Variants in ANKRD24 observed in about 807,000 individuals in gnomAD.
ANKRD24 encodes ankyrin repeat domain 24.
ANKRD24 carries 109 observed loss-of-function variants against 127.8 expected under a neutral mutation model. The observed-to-expected ratio is 0.85, with a 90% CI of 0.73 to 1.00. The LOEUF (loss-of-function observed/expected upper bound fraction) is 1.00. Among genes scored for constraint, ANKRD24 ranks in the 50% least tolerant of loss-of-function variants. The pLI is 0.00. For missense variants in ANKRD24, 1,648 were observed against 1,570.2 expected, an observed-to-expected ratio of 1.05 and a Z score of -0.84; for synonymous variants, 743 against 671.1, an observed-to-expected ratio of 1.11 and a Z score of -1.66.
At chr19:4,222,567 C>T in intron 19 of ANKRD24, 103 bp from the exon 20 acceptor site, 1 of 1,351,556 alleles carries the variant, frequency 7.4e-7, no homozygotes, top group Non-Finnish European at 9.7e-7. Flanking sequence ...ACGGGACCTT[C>T]CCTTGAAAGC....
Position 4,216,064 on chromosome 19 carries a change from T to TC in ANKRD24, c.1270+18dup. The TC allele has an allele frequency of 3.2e-6, 5 of 1,583,374 alleles. No homozygotes were observed. Among genetic ancestry groups the TC allele is most frequent in the Non-Finnish European group, 4.3e-6 (5 of 1,165,776 alleles). On this transcript the variant is annotated intron_variant, in intron 16 of 21. Coordinates refer to ENST00000318934, the MANE Select transcript of ANKRD24 (RefSeq NM_001393985.1). ...CTGACCTTCCAGGTGAGCCCCCACC[T>TC]CCCCACGCACTCCCAGCCGCCTTGT...
At position 4,200,068 on chromosome 19, in the gene ANKRD24, GTC is replaced by G. The variant is rs1244435164; in HGVS notation, c.255-10_255-9del. On this transcript the variant is annotated splice_polypyrimidine_tract_variant and intron_variant, in intron 4 of 21. Coordinates refer to ENST00000318934, the MANE Select transcript of ANKRD24 (RefSeq NM_001393985.1). ...GTGGCAACCTTGCGGCTGAACCCTT[GTC>G]TCTCACCTCCAGGTTCCACCTGGCG... The G allele has an allele frequency of 6.3e-7, 1 of 1,576,182 alleles. No individual in the cohort carries two copies. Among genetic ancestry groups the G allele is most frequent in the South Asian group, 1.2e-5 (1 of 86,190 alleles).
intron 2 of ANKRD24, among the ~76,000 whole-genome samples, chr19:4,193,726 A>G (rs1968516486): frequency 6.6e-6 from 1 of 151,416 alleles, no homozygotes; most frequent in South Asian, 2.1e-4. Flanking sequence ...AATCCCAGAT[A>G]CTCGGGAGAC....
chr19:4,198,735 T>G lies in ANKRD24; in HGVS notation c.37-948T>G, dbSNP rs750081. Among the ~76,000 whole-genome samples the G allele has an allele frequency of 0.017, 2,583 of 152,238 alleles. 68 individuals are homozygous for G. The highest frequency in any genetic ancestry group is 0.058 in the African/African-American group (2,429 of 41,554). ...ATTTGGGGAGACATGTGGACACGTTTTGGAAGACTCTTTGAAACAAATGGG... is the reference window on the plus strand; with the variant it reads ...ATTTGGGGAGACATGTGGACACGTTGTGGAAGACTCTTTGAAACAAATGGG... On this transcript the variant is annotated intron_variant, in intron 2 of 21. Transcript: ENST00000318934. The surrounding 1 kb of genome is among the most constrained non-coding windows in gnomAD (Gnocchi z 6.1).
At position 4,187,088 on chromosome 19, in the gene ANKRD24, A is replaced by C. The variant is rs540354091; in HGVS notation, c.36+627A>C. ...AGAGGGTGGCCAGGGAAGGCTTCCC[A>C]GAGGAGGTGGTATTAAAGCAAAGAT... On this transcript the variant is annotated intron_variant, in intron 2 of 21. Transcript: ENST00000318934. 2.0e-5 allele frequency among the ~76,000 whole-genome samples: 3 copies of C among 152,286 alleles called. No individual in the cohort carries two copies. In the South Asian group the frequency reaches 6.2e-4, roughly 32 times the overall value.
intron 20 of ANKRD24, 39 bp from the exon 21 acceptor site, chr19:4,224,088 G>A (rs1262918695): frequency 2.5e-6 from 4 of 1,587,534 alleles, no homozygotes; most frequent in Admixed American, 1.7e-5. Flanking sequence ...GTGGGGAGGT[G>A]CTCCTGCTCT....
intron 2 of ANKRD24, among the ~76,000 whole-genome samples, chr19:4,189,384 G>A (rs1325566475): frequency 6.6e-6 from 1 of 150,608 alleles, no homozygotes; most frequent in African/African-American, 2.4e-5. Context: ...CCAAGTAGGT[G>A]GGACTACAGG....
rs775714953 is a variant in ANKRD24 at position 4,216,005 on chromosome 19, G to A, written c.1225G>A (p.Val409Ile). ...ENERENTSYD[V>I]TTLQDEEGEL... ...CGAGCGGGAGAATACTAGCTATGAC[G>A]TAACCACCCTGCAGGATGAGGAGGG... The change falls in exon 16 of 22, where the codon GTA (valine) becomes ATA (isoleucine). Residue 409 changes from valine to isoleucine, a missense_variant. Val to Ile is a conservative substitution (Grantham distance 29). Transcript: ENST00000318934. 1.0e-5 allele frequency: 16 copies of A among 1,600,738 alleles called. No individual in the cohort carries two copies. Among genetic ancestry groups the A allele is most frequent in the East Asian group, 9.1e-5 (4 of 44,108 alleles).
chr19:4,193,730 G>A (rs1031072159), intron 2 of ANKRD24, among the ~76,000 whole-genome samples: 2 of 151,290 alleles, frequency 1.3e-5, no homozygotes, highest in Admixed American at 6.6e-5. Flanking sequence ...CCAGATACTC[G>A]GGAGACTGAG....
In ANKRD24 at chr19:4,184,151, C is replaced by G. The variant is rs539934033; in HGVS notation, c.-37+1411C>G. Among the ~76,000 whole-genome samples the G allele has an allele frequency of 2.0e-5, 3 of 152,330 alleles. No homozygotes were observed. In the South Asian group the frequency reaches 6.2e-4, roughly 32 times the overall value. The stretch of plus-strand genomic sequence containing the variant: ...TCCGCTGCCAGCCTGTCTCCTCCCT[C>G]GGCTCATCCCCGGCCCCCTGGGGCG... On this transcript the variant is annotated intron_variant, in intron 1 of 21. Transcript: ENST00000318934.
chr19:4,221,086 C>CT lies in ANKRD24; in HGVS notation c.3171+1338dup, dbSNP rs1004826496. 4.0e-4 allele frequency among the ~76,000 whole-genome samples: 59 copies of CT among 147,484 alleles called. 1 individual carries two copies. Among genetic ancestry groups the CT allele is most frequent in the East Asian group, 1.8e-3 (9 of 5,020 alleles). ...GCCTGGCTAATTTTTTTGTTTCTTT[C>CT]TTTTTTTTTTGAGAGAAAGTTTCAC... On this transcript the variant is annotated intron_variant, in intron 19 of 21. Transcript: ENST00000318934.
In ANKRD24 at chr19:4,186,380, CCCT is replaced by C. The variant is rs779339119; in HGVS notation, c.-36-5_-36-3del. The C allele has an allele frequency of 1.9e-6, 3 of 1,565,566 alleles. No homozygotes were observed. In the South Asian group the frequency reaches 3.5e-5, roughly 18 times the overall value. On this transcript the variant is annotated splice_region_variant and splice_polypyrimidine_tract_variant and intron_variant, in intron 1 of 21. Coordinates refer to ENST00000318934, the MANE Select transcript of ANKRD24 (RefSeq NM_001393985.1). The stretch of plus-strand genomic sequence containing the variant: ...GTCCCTCACCTTACCCCCACCCTTG[CCCT>C]CCTCAGGTGGCCTGTGGAGAGGAGA...
rs747619057 is a variant in ANKRD24 at position 4,219,670 on chromosome 19, G to T, written c.3083G>T (p.Arg1028Leu). The change falls in exon 19 of 22, where the codon CGG (arginine) becomes CTG (leucine). Residue 1028 changes from arginine (R) to leucine (L), a missense_variant. Coordinates refer to ENST00000318934, the MANE Select transcript of ANKRD24 (RefSeq NM_001393985.1). Reference protein sequence around the residue: ...AQLATAEQQLRGLRTEAERAR... With the variant: ...AQLATAEQQLLGLRTEAERAR... ...CTGGCCACAGCAGAGCAGCAGCTAC[G>T]GGGGCTACGGACCGAGGCGGAAAGG... is the stretch of plus-strand genomic sequence containing the variant. The T allele has an allele frequency of 3.7e-6, 6 of 1,613,812 alleles. No individual in the cohort carries two copies. Among genetic ancestry groups the T allele is most frequent in the Non-Finnish European group, 5.1e-6 (6 of 1,179,824 alleles).
chr19:4,224,632 A>G lies in ANKRD24; in HGVS notation c.*127A>G. The stretch of plus-strand genomic sequence containing the variant: ...ATCCAGGCCCATGCACTTGGAGACC[A>G]GCCTGGTTCCCTGCCCGACCACCCC... On this transcript the variant is annotated 3_prime_UTR_variant, in exon 22 of 22. Coordinates refer to ENST00000318934, the MANE Select transcript of ANKRD24 (RefSeq NM_001393985.1). 1 of 910,602 alleles carries G rather than the reference A, an allele frequency of 1.1e-6. No homozygotes were observed. The highest frequency in any genetic ancestry group is 1.5e-5 in the South Asian group (1 of 65,100). The allele number at this position is 910,602 out of a possible 1,614,324, so 56.4% of individuals were successfully genotyped here.
At chr19:4,219,901 G>A in intron 19 of ANKRD24, 143 bp downstream of exon 19, 2 of 1,013,520 alleles carry the variant, frequency 2.0e-6, no homozygotes, top group East Asian at 2.7e-5. Flanking sequence ...AAACGGAAGG[G>A]GACCTGGTTA....
In ANKRD24 at chr19:4,216,541, A is replaced by T; in HGVS notation, c.1390-9A>T. The T allele has an allele frequency of 6.3e-7, 1 of 1,598,292 alleles. No homozygotes were observed. Among genetic ancestry groups the T allele is most frequent in the South Asian group, 1.1e-5 (1 of 88,790 alleles). ...CTGCCAGACTCCTGCCCCCCACTCC[A>T]CTCCCCAGATCCTGGAGAACTTTGA... is the stretch of plus-strand genomic sequence containing the variant. On this transcript the variant is annotated splice_polypyrimidine_tract_variant and intron_variant, in intron 17 of 21. Coordinates refer to ENST00000318934, the MANE Select transcript of ANKRD24 (RefSeq NM_001393985.1).
At chr19:4,205,243 C>T (rs1313454041) in intron 7 of ANKRD24, among the ~76,000 whole-genome samples, 1 of 152,186 alleles carries the variant, frequency 6.6e-6, no homozygotes, top group Admixed American at 6.5e-5. Flanking sequence ...TCAAAAAAAC[C>T]AACCAACCAA....
chr19:4,201,910 G>A, intron 5 of ANKRD24, 116 bp from the exon 6 acceptor site: 3 of 864,730 alleles, frequency 3.5e-6, no homozygotes, highest in South Asian at 1.5e-5. Context: ...GAAATACTAG[G>A]GTTTACGGAC....
chr19:4,214,818 C>T (rs1393818523), intron 15 of ANKRD24, among the ~76,000 whole-genome samples: 1 of 152,166 alleles, frequency 6.6e-6, no homozygotes, highest in African/African-American at 2.4e-5. Flanking sequence ...CACGCCACTG[C>T]ACTCCAGCCT....
Sources: allele counts gnomAD v4.1 joint callset (sites outside exome capture counted in the v4.1 genomes callset), GRCh38; gene constraint gnomAD v4.1.1; non-coding constraint Gnocchi (gnomAD v3.1); transcripts MANE v1.5; gene names NCBI Gene and HGNC (gene_info 2026-07-23, HGNC 2026-07-21).